Variants in ZMIZ1 observed in about 807,000 individuals in gnomAD.
The protein encoded by ZMIZ1 is zinc finger MIZ-type containing 1, also known as zinc finger MIZ domain-containing protein 1.
In ZMIZ1, 17 loss-of-function variants were observed where a neutral mutation model predicts 113.9. The observed-to-expected ratio is 0.15, with a 90% CI of 0.10 to 0.22. The LOEUF (loss-of-function observed/expected upper bound fraction) is 0.22, where lower values mean the gene tolerates loss of function less well. Ranked by LOEUF, ZMIZ1 falls within the 10% of genes least tolerant of loss-of-function variation. The pLI, the probability that ZMIZ1 is intolerant of heterozygous loss-of-function variation, is 1.00. For missense variants in ZMIZ1, 1,059 were observed against 1,477.8 expected (o/e 0.72, Z 4.65); for synonymous variants, 607 against 603.1 (o/e 1.01, Z -0.09).
At chr10:79,279,267 G>A (rs184270552) in intron 8 of ZMIZ1, among the ~76,000 whole-genome samples, 1 of 148,444 alleles carries the variant, frequency 6.7e-6, no homozygotes, top group Admixed American at 6.7e-5. Flanking sequence ...GGTCAGAGAC[G>A]CTCCTCACCT....
At chr10:79,195,668 A>C (rs1320473853) in intron 4 of ZMIZ1, among the ~76,000 whole-genome samples, 1 of 152,224 alleles carries the variant, frequency 6.6e-6, no homozygotes, top group Non-Finnish European at 1.5e-5. Context: ...GCCGGTGTGC[A>C]GGGAGCCCAG....
intron 18 of ZMIZ1, 97 bp downstream of exon 18, chr10:79,302,309 C>A: frequency 7.9e-7 from 1 of 1,264,394 alleles, no homozygotes; most frequent in Non-Finnish European, 1.1e-6. Context: ...CTGACCTTTG[C>A]CTCCGTGCAT....
At chr10:79,083,820 A>T (rs1842730495) in intron 1 of ZMIZ1, among the ~76,000 whole-genome samples, 1 of 152,168 alleles carries the variant, frequency 6.6e-6, no homozygotes, top group African/African-American at 2.4e-5. Flanking sequence ...GAGCTAGAGA[A>T]CTGGCTCAAG....
chr10:79,216,369 C>A, intron 7 of ZMIZ1, 95 bp downstream of exon 7: 1 of 1,116,874 alleles, frequency 9.0e-7, no homozygotes, highest in Non-Finnish European at 1.3e-6. Context: ...CCTTCTGGTG[C>A]CTCCATTTGT....
At chr10:79,227,791 G>C (rs1490621237) in intron 7 of ZMIZ1, among the ~76,000 whole-genome samples, 1 of 152,224 alleles carries the variant, frequency 6.6e-6, no homozygotes, top group Non-Finnish European at 1.5e-5. Flanking sequence ...CAAGGGTGTG[G>C]AGATGAGTGG....
intron 7 of ZMIZ1, 118 bp downstream of exon 7, chr10:79,216,392 C>T (rs888587137): frequency 9.5e-6 from 8 of 844,674 alleles, no homozygotes; most frequent in South Asian, 4.0e-5. Flanking sequence ...AGGTGTAGTG[C>T]GAACCCCTGA....
At chr10:79,207,800 AG>A (rs1848383324) in intron 5 of ZMIZ1, among the ~76,000 whole-genome samples, 1 of 152,092 alleles carries the variant, frequency 6.6e-6, no homozygotes, top group Non-Finnish European at 1.5e-5. Flanking sequence ...AGGGCAGAGC[AG>A]GCTCCAAAGC....
chr10:79,227,836 C>T lies in ZMIZ1; in HGVS notation c.280+11562C>T, dbSNP rs77034316. 2.7e-3 allele frequency among the ~76,000 whole-genome samples: 413 copies of T among 152,300 alleles called. 3 individuals are homozygous for T. The highest frequency in any genetic ancestry group is 9.6e-3 in the African/African-American group (400 of 41,554). On this transcript the variant is annotated intron_variant, in intron 7 of 24. Transcript: ENST00000334512. ...AACTAAGGTGGGGTAAATGGGGTCT[C>T]CAAGACAGCAGAGGTTTAGATGGGG...
intron 8 of ZMIZ1, among the ~76,000 whole-genome samples, chr10:79,289,055 C>T (rs555993079): frequency 1.3e-5 from 2 of 152,276 alleles, no homozygotes; most frequent in Admixed American, 1.3e-4. Flanking sequence ...GTAAGTCATT[C>T]TTAAGTGTGT....
chr10:79,164,876 CG>C (rs1014052350), intron 4 of ZMIZ1, among the ~76,000 whole-genome samples: 3 of 152,110 alleles, frequency 2.0e-5, no homozygotes, highest in African/African-American at 7.2e-5. Flanking sequence ...CTGCACTGAT[CG>C]GGAGGAAGCC....
In ZMIZ1 at chr10:79,315,913, T is replaced by C. The variant is rs909244123; in HGVS notation, c.*3164T>C. On this transcript the variant is annotated 3_prime_UTR_variant, in exon 25 of 25. Transcript: ENST00000334512. The stretch of plus-strand genomic sequence containing the variant: ...TGGAAAAACTAGATCCTGTTGGTTA[T>C]AGCATTTGTGAGTTCTCCACGTCTG... The C allele has an allele frequency of 9.2e-5, 14 of 152,796 alleles. No individual in the cohort carries two copies. Among genetic ancestry groups the C allele is most frequent in the Non-Finnish European group, 2.1e-4 (14 of 68,050 alleles). 9.5% of individuals were successfully genotyped at this position (152,796 alleles called of 1,614,324 possible).
intron 7 of ZMIZ1, among the ~76,000 whole-genome samples, chr10:79,274,304 G>A (rs1236467519): frequency 2.0e-5 from 3 of 152,224 alleles, no homozygotes; most frequent in Non-Finnish European, 2.9e-5. Context: ...CAGACCAAAG[G>A]CACGCAGGTC....
rs1375693698 is a variant in ZMIZ1 at position 79,311,083 on chromosome 10, A to G, written c.2995A>G (p.Ser999Gly). ...PPRQPPQAAP[S>G]SHPHSDLTFN... ...CCGGCAGCCGCCACAGGCCGCTCCC[A>G]GCAGCCATCCACACAGCGACCTGAC... The change falls in exon 24 of 25, where the codon AGC (serine) becomes GGC (glycine). Residue 999 changes from serine to glycine, a missense_variant. By Grantham distance (56) the Ser-to-Gly change is moderately conservative. This residue lies in a region of ZMIZ1 where 225 missense variants were observed against 276.0 expected (regional missense o/e 0.82). Coordinates refer to ENST00000334512, the MANE Select transcript of ZMIZ1 (RefSeq NM_020338.4). The G allele has an allele frequency of 6.2e-7, 1 of 1,613,694 alleles. No individual in the cohort carries two copies. Among genetic ancestry groups the G allele is most frequent in the African/African-American group, 1.3e-5 (1 of 75,028 alleles).
Position 79,201,588 on chromosome 10 carries a change from G to GACA in ZMIZ1, c.-42_-40dup. ...ACCTCTCCTTTCTCTTCGCAGGCTG[G>GACA]ACAACGTTCATGGCTCTCGGGTAGA... On this transcript the variant is annotated 5_prime_UTR_variant, in exon 5 of 25. Transcript: ENST00000334512. 6.2e-7 allele frequency: 1 copy of GACA among 1,609,348 alleles called. No homozygotes were observed. Among genetic ancestry groups the GACA allele is most frequent in the South Asian group, 1.1e-5 (1 of 90,676 alleles).
intron 3 of ZMIZ1, among the ~76,000 whole-genome samples, chr10:79,152,600 G>A (rs1471029691): frequency 1.3e-5 from 2 of 152,266 alleles, no homozygotes; most frequent in African/African-American, 4.8e-5. Context: ...TAGTCTGGAT[G>A]GCCTCAGACG....
chr10:79,223,232 G>A (rs1849056599), intron 7 of ZMIZ1, among the ~76,000 whole-genome samples: 1 of 152,240 alleles, frequency 6.6e-6, no homozygotes, highest in Admixed American at 6.5e-5. Flanking sequence ...AACAGCTCGC[G>A]GCCGCCCAGT....
At chr10:79,128,823 T>C (rs920305304) in intron 2 of ZMIZ1, among the ~76,000 whole-genome samples, 1 of 138,522 alleles carries the variant, frequency 7.2e-6, no homozygotes, top group Non-Finnish European at 1.5e-5. Context: ...TTGGGATCAT[T>C]CCAGTGGAAA....
At chr10:79,074,356 C>G (rs574594891) in intron 1 of ZMIZ1, among the ~76,000 whole-genome samples, 9 of 152,274 alleles carry the variant, frequency 5.9e-5, no homozygotes, top group Non-Finnish European at 8.8e-5. Context: ...GAAGGAGGAG[C>G]CATTCTCAGG....
chr10:79,086,212 C>T (rs113244732), intron 1 of ZMIZ1, among the ~76,000 whole-genome samples: 74 of 152,280 alleles, frequency 4.9e-4, no homozygotes, highest in African/African-American at 1.6e-3. Flanking sequence ...TGGACAGTGA[C>T]AGAATGCGTC....
Sources: gnomAD v4.1 joint callset for allele counts (sites outside exome capture counted in the v4.1 genomes callset) on GRCh38, gnomAD v4.1.1 for gene constraint, gnomAD v4.1.1 regional missense constraint, MANE v1.5 for transcripts, NCBI Gene and HGNC (gene_info 2026-07-23, HGNC 2026-07-21) for gene names.